The following FGD4 variants were observed in gnomAD, a reference collection of about 807,000 sequenced individuals.
FGD4 encodes the protein FYVE, RhoGEF and PH domain containing 4, also known as FYVE, RhoGEF and PH domain-containing protein 4.
In FGD4, 42 loss-of-function variants were observed where a neutral mutation model predicts 102.0. The observed-to-expected ratio is 0.41, with a 90% CI of 0.32 to 0.53. FGD4 has a LOEUF of 0.53. FGD4 is among the 20% of genes least tolerant of loss of function. The pLI is 0.21. For missense variants in FGD4, 902 were observed against 1,078.2 expected, an observed-to-expected ratio of 0.84 and a Z score of 2.29; for synonymous variants, 380 against 375.7, an observed-to-expected ratio of 1.01 and a Z score of -0.13.
At chr12:32,596,475 TTTG>T (rs1289765612) in intron 4 of FGD4, among the ~76,000 whole-genome samples, 49 of 152,188 alleles carry the variant, frequency 3.2e-4, no homozygotes, top group African/African-American at 1.1e-3. Context: ...TGAGTAGAGG[TTTG>T]AATAACCCTG....
At chr12:32,639,248 C>T (rs144863657) in intron 16 of FGD4, among the ~76,000 whole-genome samples, 6 of 152,284 alleles carry the variant, frequency 3.9e-5, no homozygotes, top group Non-Finnish European at 8.8e-5. Flanking sequence ...ACTGCAACCT[C>T]CACCTCCTGG....
intron 1 of FGD4, among the ~76,000 whole-genome samples, chr12:32,445,464 G>A (rs1017087469): frequency 6.6e-6 from 1 of 152,218 alleles, no homozygotes; most frequent in African/African-American, 2.4e-5. Context: ...GGGATTGTCT[G>A]TAAGACAATG....
At chr12:32,610,953 T>C (rs1949098337) in intron 9 of FGD4, 119 bp downstream of exon 9, 1 of 1,298,806 alleles carries the variant, frequency 7.7e-7, no homozygotes, top group Non-Finnish European at 1.1e-6. Context: ...AAAGAATGTT[T>C]ATGAAATGTT....
rs144055568 is a variant in FGD4 at position 32,443,902 on chromosome 12, A to G, written c.166+43943A>G. Among the ~76,000 whole-genome samples, 10 of 152,306 alleles carry G rather than the reference A, an allele frequency of 6.6e-5. No individual in the cohort carries two copies. In the East Asian group the frequency reaches 1.4e-3, roughly 21 times the overall value. ...AAGAGCCTAAAACCAAACTCAAGCAATAAGTTGTGATTTTTAAAAAATCGA... is the reference window on the plus strand; with the variant it reads ...AAGAGCCTAAAACCAAACTCAAGCAGTAAGTTGTGATTTTTAAAAAATCGA... On this transcript the variant is annotated intron_variant, in intron 1 of 16. Coordinates refer to ENST00000534526, the MANE Select transcript of FGD4 (RefSeq NM_001370298.3).
intron 1 of FGD4, among the ~76,000 whole-genome samples, chr12:32,560,210 T>A (rs1944427724): frequency 6.6e-6 from 1 of 152,244 alleles, no homozygotes; most frequent in African/African-American, 2.4e-5. Context: ...ATAGATAAGC[T>A]TACACATGTA....
intron 1 of FGD4, among the ~76,000 whole-genome samples, chr12:32,463,509 G>C (rs1213534302): frequency 6.6e-6 from 1 of 152,190 alleles, no homozygotes; most frequent in East Asian, 1.9e-4. Context: ...TTGAGCTTCA[G>C]ATATCTAAAA....
At chr12:32,419,341 G>T (rs1941542992) in intron 1 of FGD4, among the ~76,000 whole-genome samples, 1 of 152,206 alleles carries the variant, frequency 6.6e-6, no homozygotes, top group Non-Finnish European at 1.5e-5. Flanking sequence ...AGTGCCTATG[G>T]TATACTACCT....
intron 1 of FGD4, among the ~76,000 whole-genome samples, chr12:32,411,666 A>C (rs1412052594): frequency 6.6e-6 from 1 of 152,150 alleles, no homozygotes; most frequent in Non-Finnish European, 1.5e-5. Context: ...ACAATGCGGT[A>C]TAAAAATCAA....
At chr12:32,599,222 C>T (rs1948151729) in intron 5 of FGD4, among the ~76,000 whole-genome samples, 1 of 151,618 alleles carries the variant, frequency 6.6e-6, no homozygotes, top group East Asian at 1.9e-4. Flanking sequence ...GGGCTGGGCG[C>T]GGTGGCTCAC....
rs561030023 is a variant in FGD4, at chr12:32,412,389, T to A, written c.166+12430T>A. Among the ~76,000 whole-genome samples, 8 of 152,332 alleles carry A rather than the reference T, an allele frequency of 5.3e-5. No individual in the cohort carries two copies. In the East Asian group the frequency reaches 1.5e-3, roughly 29 times the overall value. ...AGGAAAAATCTATTCCTAATACCTGTTGATTTTTAAGGGCTTTTAATTCAA... is the reference window on the plus strand; with the variant it reads ...AGGAAAAATCTATTCCTAATACCTGATGATTTTTAAGGGCTTTTAATTCAA... On this transcript the variant is annotated intron_variant, in intron 1 of 16. Coordinates refer to ENST00000534526, the MANE Select transcript of FGD4 (RefSeq NM_001370298.3).
At chr12:32,552,598 G>A (rs1943769387) in intron 1 of FGD4, among the ~76,000 whole-genome samples, 1 of 151,556 alleles carries the variant, frequency 6.6e-6, no homozygotes, top group African/African-American at 2.4e-5. Flanking sequence ...AACATTCTTA[G>A]TTGAACACAG....
At chr12:32,425,992 A>G (rs1591876543) in intron 1 of FGD4, among the ~76,000 whole-genome samples, 1 of 152,220 alleles carries the variant, frequency 6.6e-6, no homozygotes, top group Admixed American at 6.5e-5. Flanking sequence ...CTAAATATAC[A>G]ATCATGTCAT....
At chr12:32,437,733 C>G (rs1319495158) in intron 1 of FGD4, among the ~76,000 whole-genome samples, 1 of 152,084 alleles carries the variant, frequency 6.6e-6, no homozygotes, top group Non-Finnish European at 1.5e-5. Context: ...TTTTTCTAGA[C>G]ATAATCCTGC....
At chr12:32,488,229 T>C (rs1565771763) in intron 1 of FGD4, among the ~76,000 whole-genome samples, 1 of 152,030 alleles carries the variant, frequency 6.6e-6, no homozygotes, top group African/African-American at 2.4e-5. Flanking sequence ...ATTGTGACAT[T>C]GTAAAAAGTT....
At chr12:32,525,746 T>G (rs2136778556) in intron 1 of FGD4, among the ~76,000 whole-genome samples, 1 of 152,338 alleles carries the variant, frequency 6.6e-6, no homozygotes, top group African/African-American at 2.4e-5. Context: ...GGGCGTGGGC[T>G]TGGTGGGCCC....
intron 1 of FGD4, among the ~76,000 whole-genome samples, chr12:32,413,891 A>C (rs2136401529): frequency 6.6e-6 from 1 of 152,160 alleles, no homozygotes; most frequent in East Asian, 1.9e-4. Flanking sequence ...AAGGAACTAC[A>C]GAGAACAGCC....
intron 7 of FGD4, among the ~76,000 whole-genome samples, chr12:32,602,978 G>A (rs1948522993): frequency 6.6e-6 from 1 of 151,994 alleles, no homozygotes; most frequent in Non-Finnish European, 1.5e-5. Flanking sequence ...TTTTCCAGTG[G>A]TTGCTTTTAG....
chr12:32,471,079 CATCGG>C (rs1412079908), intron 1 of FGD4, among the ~76,000 whole-genome samples: 1 of 152,216 alleles, frequency 6.6e-6, no homozygotes, highest in Non-Finnish European at 1.5e-5. Flanking sequence ...TGTCCTTGGA[CATCGG>C]AACCCCAGGT....
At position 32,601,427 on chromosome 12, in the gene FGD4, AGAG is replaced by A; in HGVS notation, c.1247+8_1247+10del. On this transcript the variant is annotated splice_donor_5th_base_variant and intron_variant, in intron 6 of 16. Transcript: ENST00000534526. ...TGGAGAAACGAATGCAAGAATGGTAAGAGGAGTAGATAGAAAATGATATGTTTA... is the reference window on the plus strand; with the variant it reads ...TGGAGAAACGAATGCAAGAATGGTAAGAGTAGATAGAAAATGATATGTTTA... 6.2e-7 allele frequency: 1 copy of A among 1,612,522 alleles called. No individual in the cohort carries two copies. The highest frequency in any genetic ancestry group is 1.1e-5 in the South Asian group (1 of 91,002).
Sources: allele counts gnomAD v4.1 joint callset (sites outside exome capture counted in the v4.1 genomes callset), GRCh38; gene constraint gnomAD v4.1.1; transcripts MANE v1.5; gene names NCBI Gene and HGNC (gene_info 2026-07-23, HGNC 2026-07-21).